Variants in FRMD4B observed in about 807,000 individuals in gnomAD.
FRMD4B encodes FERM domain-containing protein 4B.
Under a neutral mutation model 141.5 loss-of-function variants are expected in FRMD4B, and 74 were observed. The ratio of observed to expected loss-of-function variants is 0.52; its 90% confidence interval spans 0.43 to 0.63. The LOEUF (loss-of-function observed/expected upper bound fraction) is 0.63, where lower values mean the gene tolerates loss of function less well. Ranked by LOEUF, FRMD4B falls within the 30% of genes least tolerant of loss-of-function variation. The pLI is 0.00. For missense variants in FRMD4B, 1,366 were observed against 1,253.4 expected (o/e 1.09, Z -1.36); for synonymous variants, 506 against 467.9 (o/e 1.08, Z -1.05).
chr3:69,519,668 G>C lies in FRMD4B; in HGVS notation c.-129+22538C>G, dbSNP rs537515436. On this transcript the variant is annotated intron_variant, in intron 1 of 5. Transcript: ENST00000459638. ...TTGTTTTTATTTCCATAGGTTTTGG[G>C]GAGGAACAGTTGGTAGTTGGTTACA... 1.7e-3 allele frequency among the ~76,000 whole-genome samples: 251 copies of C among 152,026 alleles called. 1 individual carries two copies. Among genetic ancestry groups the C allele is most frequent in the African/African-American group, 5.8e-3 (240 of 41,454 alleles).
intron 1 of FRMD4B, among the ~76,000 whole-genome samples, chr3:69,443,454 A>G (rs909266434): frequency 3.9e-5 from 6 of 152,156 alleles, no homozygotes; most frequent in African/African-American, 9.7e-5. Flanking sequence ...TCTGAGTTCT[A>G]TGAGCTATTA....
chr3:69,176,149 A>G (rs1173131845), intron 22 of FRMD4B, among the ~76,000 whole-genome samples: 1 of 152,044 alleles, frequency 6.6e-6, no homozygotes, highest in Non-Finnish European at 1.5e-5. Flanking sequence ...TGTAAACATT[A>G]GAGGAAATAT....
chr3:69,256,342 T>C (rs2093492863), intron 5 of FRMD4B, among the ~76,000 whole-genome samples: 7 of 152,286 alleles, frequency 4.6e-5, no homozygotes, highest in Admixed American at 4.6e-4. Flanking sequence ...GTTTTTGAGA[T>C]GGAGTCTCAC....
chr3:69,285,017 G>C (rs113675467), intron 5 of FRMD4B, among the ~76,000 whole-genome samples: 5,467 of 152,096 alleles, frequency 0.036, 129 homozygotes, highest in East Asian at 0.11. Flanking sequence ...CAAAAAATTA[G>C]CCAGGTGTGT....
chr3:69,241,347 C>A (rs1218793746), intron 7 of FRMD4B, among the ~76,000 whole-genome samples: 1 of 152,104 alleles, frequency 6.6e-6, no homozygotes, highest in Non-Finnish European at 1.5e-5. Flanking sequence ...CTTATGTGTC[C>A]CCTTCTGGGA....
intron 11 of FRMD4B, among the ~76,000 whole-genome samples, chr3:69,212,977 G>C (rs1429983075): frequency 2.0e-5 from 3 of 151,984 alleles, no homozygotes; most frequent in African/African-American, 7.3e-5. Context: ...GTTTGACTGG[G>C]TTTTTTTATT....
At chr3:69,381,067 T>G (rs1704107517) in intron 1 of FRMD4B, among the ~76,000 whole-genome samples, 1 of 152,224 alleles carries the variant, frequency 6.6e-6, no homozygotes, top group Non-Finnish European at 1.5e-5. Context: ...AGGTGAATGC[T>G]CATGTCTGCT....
intron 2 of FRMD4B, among the ~76,000 whole-genome samples, chr3:69,411,573 A>G (rs985239571): frequency 2.0e-5 from 3 of 152,220 alleles, no homozygotes; most frequent in Non-Finnish European, 4.4e-5. Context: ...GAGGAATCAG[A>G]AATGTTCTGT....
At chr3:69,197,649 CAGAG>C (rs2092922518) in intron 12 of FRMD4B, 1 of 151,914 alleles carries the variant, frequency 6.6e-6, no homozygotes, top group Non-Finnish European at 1.5e-5. Context: ...GAGAGAGAGA[CAGAG>C]AGAAAGAAAG....
At chr3:69,329,520 T>TGTTG (rs1177110140) in intron 1 of FRMD4B, among the ~76,000 whole-genome samples, 5 of 96,574 alleles carry the variant, frequency 5.2e-5, no homozygotes, top group African/African-American at 4.0e-4. Flanking sequence ...CAGCTAATTT[T>TGTTG]TTTTTTTTTT....
At chr3:69,517,974 G>A (rs1700792187) in intron 1 of FRMD4B, among the ~76,000 whole-genome samples, 1 of 152,154 alleles carries the variant, frequency 6.6e-6, no homozygotes, top group Non-Finnish European at 1.5e-5. Context: ...TCAAGAATCT[G>A]CATTTCTAAC....
intron 2 of FRMD4B, among the ~76,000 whole-genome samples, chr3:69,426,422 G>C (rs1263533958): frequency 6.6e-6 from 1 of 152,088 alleles, no homozygotes; most frequent in Non-Finnish European, 1.5e-5. Flanking sequence ...GAAGTGGAAG[G>C]AATTTACGAC....
intron 1 of FRMD4B, among the ~76,000 whole-genome samples, chr3:69,509,444 G>C (rs1446887090): frequency 6.6e-6 from 1 of 152,172 alleles, no homozygotes; most frequent in Non-Finnish European, 1.5e-5. Flanking sequence ...ACAGAATCAA[G>C]TATGACAAGT....
At chr3:69,285,677 C>T (rs1304161346) in intron 5 of FRMD4B, among the ~76,000 whole-genome samples, 1 of 151,812 alleles carries the variant, frequency 6.6e-6, no homozygotes, top group East Asian at 1.9e-4. Context: ...AACCCCATTG[C>T]TACAAAAAAT....
intron 1 of FRMD4B, among the ~76,000 whole-genome samples, chr3:69,511,574 T>C (rs1706688613): frequency 6.6e-6 from 1 of 152,194 alleles, no homozygotes; most frequent in Non-Finnish European, 1.5e-5. Context: ...GCCCCAGCTG[T>C]CGCTCCTCTA....
upstream of FRMD4B, among the ~76,000 whole-genome samples, chr3:69,388,782 C>G (rs1038248445): frequency 1.3e-5 from 2 of 152,098 alleles, no homozygotes. Flanking sequence ...CCATAACCCC[C>G]CGAATCAAGA....
chr3:69,187,428 G>A lies in FRMD4B; in HGVS notation c.1919+342C>T, dbSNP rs2092780125. On this transcript the variant is annotated intron_variant, in intron 19 of 22. Transcript: ENST00000398540. ...GGTGTGGTGGCTTGTAATCCCAGCTGCTCGGGAGGCTGAGGCAGGAGAATT... is the reference window on the plus strand; with the variant it reads ...GGTGTGGTGGCTTGTAATCCCAGCTACTCGGGAGGCTGAGGCAGGAGAATT... 2.0e-5 allele frequency among the ~76,000 whole-genome samples: 3 copies of A among 151,128 alleles called. No homozygotes were observed. The South Asian group carries it at 6.3e-4, about 32-fold the overall frequency.
intron 7 of FRMD4B, among the ~76,000 whole-genome samples, chr3:69,238,866 C>T (rs914853464): frequency 6.6e-6 from 1 of 152,172 alleles, no homozygotes; most frequent in East Asian, 1.9e-4. Context: ...TTTATTCCTA[C>T]CACTCTCTGC....
chr3:69,332,866 A>T (rs1702417377), intron 1 of FRMD4B, among the ~76,000 whole-genome samples: 1 of 147,048 alleles, frequency 6.8e-6, no homozygotes, highest in Non-Finnish European at 1.5e-5. Context: ...GGCATTATCC[A>T]CTGTGCCCAG....
Sources: gnomAD v4.1 joint callset for allele counts (sites outside exome capture counted in the v4.1 genomes callset) on GRCh38, gnomAD v4.1.1 for gene constraint, MANE v1.5 for transcripts, NCBI Gene and HGNC (gene_info 2026-07-23, HGNC 2026-07-21) for gene names.